SCN7A: variants seen among roughly 807,000 people sequenced by gnomAD.
SCN7A encodes sodium channel protein type 7 subunit alpha.
A neutral mutation model predicts 155.2 loss-of-function variants in SCN7A; 138 were observed. The ratio of observed to expected loss-of-function variants is 0.89; its 90% confidence interval spans 0.77 to 1.02. The LOEUF is 1.02. SCN7A is among the 50% of genes least tolerant of loss of function. SCN7A has a pLI of 0.00. For missense variants in SCN7A, 2,058 were observed against 1,986.6 expected (o/e 1.04, Z -0.68); for synonymous variants, 693 against 649.0 (o/e 1.07, Z -1.03).
Position 166,416,951 on chromosome 2 carries a change from G to C in SCN7A, c.3170C>G (p.Pro1057Arg), listed in dbSNP as rs775797418. The C allele has an allele frequency of 1.2e-6, 2 of 1,607,240 alleles. No homozygotes were observed. Among genetic ancestry groups the C allele is most frequent in the South Asian group, 1.1e-5 (1 of 89,820 alleles). ...VVRALIKTTL[P>R]TLNVFLVCLM... ...GCAGACAAGAAACACATTCAAAGTG[G>C]GTAAGGTTGTTTTGATCAAAGCTCT... The change falls in exon 21 of 26, where the codon CCC becomes CGC. Residue 1057 changes from proline to arginine, a missense_variant. Pro to Arg is a moderately radical substitution (Grantham distance 103). Transcript: ENST00000643258.
intron 11 of SCN7A, among the ~76,000 whole-genome samples, chr2:166,450,622 C>T (rs763466547): frequency 3.3e-5 from 5 of 151,952 alleles, no homozygotes; most frequent in East Asian, 3.9e-4. Flanking sequence ...GGTGAAACCC[C>T]GTCTCTACTA....
chr2:166,417,065 T>C, intron 20 of SCN7A, 80 bp from the exon 21 acceptor site: 3 of 1,087,486 alleles, frequency 2.8e-6, no homozygotes, highest in African/African-American at 1.6e-5. Flanking sequence ...AAAATACTAA[T>C]TGATAGAATA....
chr2:166,417,335 T>C (rs935747726), intron 20 of SCN7A, among the ~76,000 whole-genome samples: 8 of 152,092 alleles, frequency 5.3e-5, no homozygotes, highest in African/African-American at 9.6e-5. Flanking sequence ...TAGCCAGGTG[T>C]GGTGGCGGAC....
rs1391608839 is a variant in SCN7A at position 166,486,893 on chromosome 2, CTT to C, written c.-54_-53del. On this transcript the variant is annotated 5_prime_UTR_variant, in exon 2 of 26. Transcript: ENST00000643258. ...AGCACTTCTCCAGAAGATCCACACT[CTT>C]TTCATATCTTTGGGCACTAGTTTTC... 1 of 152,238 alleles carries C rather than the reference CTT, an allele frequency of 6.6e-6. No homozygotes were observed. The highest frequency in any genetic ancestry group is 2.4e-5 in the African/African-American group (1 of 41,456). 9.4% of individuals were successfully genotyped at this position (152,238 alleles called of 1,614,324 possible).
intron 18 of SCN7A, among the ~76,000 whole-genome samples, 198 bp from the exon 19 acceptor site, chr2:166,423,630 C>T (rs539106736): frequency 1.7e-4 from 26 of 152,092 alleles, no homozygotes; most frequent in African/African-American, 2.4e-4. Flanking sequence ...CCCATGCCTA[C>T]GCCAGACATC....
chr2:166,460,576 TTACTCC>T (rs1333016160), intron 10 of SCN7A, among the ~76,000 whole-genome samples: 11 of 152,028 alleles, frequency 7.2e-5, no homozygotes. Flanking sequence ...AGGATGTGCC[TTACTCC>T]TACACTGGGC....
At position 166,405,629 on chromosome 2, in the gene SCN7A, G is replaced by A. The variant is rs1701051494; in HGVS notation, c.5000C>T (p.Ala1667Val). ...CTTTTCCTTAGCTTTGTCAAAATAGGCACCTTCTTTAGTAGCATGAACATC... is the reference window on the plus strand; with the variant it reads ...CTTTTCCTTAGCTTTGTCAAAATAGACACCTTCTTTAGTAGCATGAACATC... ...DRDVHATKEGAYFDKAKEKSP... is the reference protein window; with the variant it reads ...DRDVHATKEGVYFDKAKEKSP... The change falls in exon 26 of 26, where the codon GCC becomes GTC. Residue 1667 changes from alanine (A) to valine (V), a missense_variant. Ala to Val is a moderately conservative substitution (Grantham distance 64, BLOSUM62 0). Coordinates refer to ENST00000643258, the MANE Select transcript of SCN7A (RefSeq NM_002976.4). 2.5e-6 allele frequency: 4 copies of A among 1,607,128 alleles called. No individual in the cohort carries two copies. The highest frequency in any genetic ancestry group is 2.7e-5 in the African/African-American group (2 of 74,474).
intron 3 of SCN7A, among the ~76,000 whole-genome samples, chr2:166,475,104 G>GTGTGTA (rs1488711831): frequency 2.3e-5 from 2 of 86,026 alleles, no homozygotes; most frequent in African/African-American, 7.5e-5. Context: ...ACATATATAT[G>GTGTGTA]TATATATATA....
intron 12 of SCN7A, among the ~76,000 whole-genome samples, chr2:166,447,132 C>T (rs1375167774): frequency 1.3e-5 from 2 of 151,990 alleles, no homozygotes; most frequent in African/African-American, 4.8e-5. Context: ...GAAAATGAAG[C>T]GAACGTGTAT....
In SCN7A at chr2:166,439,055, G is replaced by GTGTGTA. The variant is rs375208870; in HGVS notation, c.2157+2340_2157+2341insTACACA. 7.6e-4 allele frequency among the ~76,000 whole-genome samples: 86 copies of GTGTGTA among 113,408 alleles called. 2 individuals carry two copies. In the East Asian group the frequency reaches 0.014, roughly 18 times the overall value. 74.4% of individuals were successfully genotyped at this position (113,408 alleles called of 152,430 possible). The stretch of plus-strand genomic sequence containing the variant: ...CACATACATATATGTGTGTGTGTGT[G>GTGTGTA]TATATATATATATATATATATATAG... On this transcript the variant is annotated intron_variant, in intron 15 of 25. Coordinates refer to ENST00000643258, the MANE Select transcript of SCN7A (RefSeq NM_002976.4).
rs1383322021 is a variant in SCN7A at position 166,441,677 on chromosome 2, C to T, written c.1876G>A (p.Ala626Thr). ...LMWSLSNSWV[A>T]LKDLVLLLFT... Reference sequence around the variant, plus strand: ...AACAACAGGACCAAGTCTTTCAGGGCCACCCATGAGTTACTAAGAGACCAC... The same window carrying T: ...AACAACAGGACCAAGTCTTTCAGGGTCACCCATGAGTTACTAAGAGACCAC... The change falls in exon 15 of 26, where the codon GCC becomes ACC. Residue 626 changes from alanine (A) to threonine (T), a missense_variant. Physicochemically the swap from Ala to Thr is moderately conservative, Grantham distance 58. Transcript: ENST00000643258. 3 of 1,613,680 alleles carry T rather than the reference C, an allele frequency of 1.9e-6. No homozygotes were observed. Among genetic ancestry groups the T allele is most frequent in the Non-Finnish European group, 2.5e-6 (3 of 1,179,760 alleles).
chr2:166,442,435 C>T (rs1212067828), intron 14 of SCN7A, among the ~76,000 whole-genome samples: 2 of 152,000 alleles, frequency 1.3e-5, no homozygotes, highest in Non-Finnish European at 2.9e-5. Context: ...GTCACCCAGA[C>T]TGAGTGCAGA....
At chr2:166,443,354 C>G in intron 14 of SCN7A, 149 bp downstream of exon 14, 1 of 630,686 alleles carries the variant, frequency 1.6e-6, no homozygotes, top group South Asian at 2.6e-5. Flanking sequence ...CTTACTCTTT[C>G]CTTGGCAATA....
At chr2:166,413,489 T>C (rs1371180600) in intron 21 of SCN7A, among the ~76,000 whole-genome samples, 2 of 152,102 alleles carry the variant, frequency 1.3e-5, no homozygotes, top group Admixed American at 6.6e-5. Context: ...ATCTGCTAGA[T>C]ACTGAGTCAC....
At chr2:166,479,755 A>G (rs1702878367) in intron 2 of SCN7A, among the ~76,000 whole-genome samples, 1 of 152,136 alleles carries the variant, frequency 6.6e-6, no homozygotes, top group Admixed American at 6.5e-5. Context: ...ACCAGTCACA[A>G]ATGACTGGTT....
At chr2:166,463,757 T>C (rs1220008799) in intron 9 of SCN7A, among the ~76,000 whole-genome samples, 2 of 151,880 alleles carry the variant, frequency 1.3e-5, no homozygotes, top group Admixed American at 6.6e-5. Context: ...GGCAAAAAAA[T>C]ATGTACTGAG....
At chr2:166,420,101 A>T (rs1701479814) in intron 20 of SCN7A, among the ~76,000 whole-genome samples, 1 of 152,028 alleles carries the variant, frequency 6.6e-6, no homozygotes, top group Non-Finnish European at 1.5e-5. Context: ...TAAAAGTGAA[A>T]TTATTAAAAT....
chr2:166,453,131 T>C (rs1283580351), intron 11 of SCN7A, among the ~76,000 whole-genome samples: 2 of 152,186 alleles, frequency 1.3e-5, no homozygotes, highest in African/African-American at 2.4e-5. Context: ...TTTAATATTA[T>C]GGCTAGTTCT....
At chr2:166,458,489 A>T (rs555800605) in intron 10 of SCN7A, among the ~76,000 whole-genome samples, 1 of 152,296 alleles carries the variant, frequency 6.6e-6, no homozygotes, top group East Asian at 1.9e-4. Flanking sequence ...TTATCTTGTC[A>T]TTATGAACAA....
Sources: allele counts gnomAD v4.1 joint callset (sites outside exome capture counted in the v4.1 genomes callset), GRCh38; gene constraint gnomAD v4.1.1; transcripts MANE v1.5; gene names NCBI Gene and HGNC (gene_info 2026-07-23, HGNC 2026-07-21).